ODAD1: variants seen among roughly 807,000 people sequenced by gnomAD.
ODAD1 encodes the protein outer dynein arm docking complex subunit 1.
A neutral mutation model predicts 67.2 loss-of-function variants in ODAD1; 49 were observed. That is an observed-to-expected ratio of 0.73 (90% CI 0.58 to 0.92). ODAD1 has a LOEUF of 0.92. Ranked by LOEUF, ODAD1 falls within the 40% of genes least tolerant of loss-of-function variation. The pLI is 0.00. For missense variants in ODAD1, 897 were observed against 953.7 expected (o/e 0.94, Z 0.78); for synonymous variants, 345 against 393.7 (o/e 0.88, Z 1.46).
chr19:48,305,306 C>T (rs188124545), intron 8 of ODAD1, among the ~76,000 whole-genome samples: 53 of 152,186 alleles, frequency 3.5e-4, no homozygotes, highest in Non-Finnish European at 5.6e-4. Context: ...GAAGGTGGCC[C>T]GAGAGGATCT....
At chr19:48,304,182 TG>T in intron 8 of ODAD1, 42 bp from the exon 9 acceptor site, 1 of 1,524,438 alleles carries the variant, frequency 6.6e-7, no homozygotes. Flanking sequence ...GAGGCTGGAC[TG>T]GGGTCGGCCT....
chr19:48,321,460 A>C (rs2147340057), intron 1 of ODAD1: 2 of 203,308 alleles, frequency 9.8e-6, no homozygotes, highest in Non-Finnish European at 2.0e-5. Context: ...CGGCGAGGGG[A>C]GGGGCACGGA....
intron 1 of ODAD1, among the ~76,000 whole-genome samples, chr19:48,321,154 C>T (rs187588032): frequency 6.6e-6 from 1 of 152,342 alleles, no homozygotes; most frequent in Non-Finnish European, 1.5e-5. Context: ...AGGAGAATCG[C>T]TTGAACCCGG....
rs760712197 is a variant in ODAD1 at position 48,303,058 on chromosome 19, G to A, written c.1026C>T (p.Asn342=). 95 of 1,614,012 alleles carry A rather than the reference G, an allele frequency of 5.9e-5. No individual in the cohort carries two copies. The highest frequency in any genetic ancestry group is 3.0e-4 in the South Asian group (27 of 91,086). ...ERNFAEFNFI[N]EQNLELEHVQ... ...CATGCTCCAGCTCCAAGTTCTGCTC[G>A]TTGATGAAGTTGAACTCAGCAAAGT... is the stretch of plus-strand genomic sequence containing the variant. The change falls in exon 11 of 16, where the codon AAC becomes AAT. Residue 342 remains asparagine (N), a synonymous_variant. Transcript: ENST00000674294.
At chr19:48,302,095 A>AATGGATGG (rs1006920035) in intron 12 of ODAD1, among the ~76,000 whole-genome samples, 1 of 131,568 alleles carries the variant, frequency 7.6e-6, no homozygotes, top group African/African-American at 2.9e-5. Flanking sequence ...TGGGTGGATG[A>AATGGATGG]ATGGATGGAT....
At chr19:48,299,283 G>A (rs1206037816) in intron 12 of ODAD1, among the ~76,000 whole-genome samples, 1 of 152,042 alleles carries the variant, frequency 6.6e-6, no homozygotes, top group African/African-American at 2.4e-5. Flanking sequence ...TGGTAGTGCA[G>A]GCCTGTAATC....
chr19:48,297,874 C>T, intron 14 of ODAD1, 126 bp downstream of exon 14: 2 of 855,512 alleles, frequency 2.3e-6, no homozygotes, highest in Non-Finnish European at 3.5e-6. Flanking sequence ...ACTTCATATT[C>T]TAACCCCCCA....
At chr19:48,314,475 A>G (rs1204700148) in intron 5 of ODAD1, among the ~76,000 whole-genome samples, 1 of 152,226 alleles carries the variant, frequency 6.6e-6, no homozygotes, top group Non-Finnish European at 1.5e-5. Context: ...CTTAAGACTC[A>G]GCATGAGGAT....
intron 1 of ODAD1, 106 bp downstream of exon 1, chr19:48,321,572 T>C (rs1315833357): frequency 2.8e-6 from 1 of 353,008 alleles, no homozygotes; most frequent in Non-Finnish European, 5.1e-6. Context: ...AGGGGCCCGG[T>C]GGAAGGGCGG....
Position 48,320,174 on chromosome 19 carries a change from T to A in ODAD1, c.70+125A>T, listed in dbSNP as rs546295798. 1.3e-5 allele frequency: 11 copies of A among 866,962 alleles called. No homozygotes were observed. In the East Asian group the frequency reaches 8.0e-4, roughly 63 times the overall value. The allele number at this position is 866,962 out of a possible 1,614,324, so 53.7% of individuals were successfully genotyped here. Reference sequence around the variant, plus strand: ...CCCGCCCCGCCTCCCTTAGGGCGCATGTCTGTTCCCACCAGAGGGCGCTCC... The same window carrying A: ...CCCGCCCCGCCTCCCTTAGGGCGCAAGTCTGTTCCCACCAGAGGGCGCTCC... On this transcript the variant is annotated intron_variant, in intron 3 of 15. Coordinates refer to ENST00000674294, the MANE Select transcript of ODAD1 (RefSeq NM_001364171.2).
At chr19:48,303,876 G>A in intron 9 of ODAD1, 77 bp downstream of exon 9, 1 of 1,579,504 alleles carries the variant, frequency 6.3e-7, no homozygotes, top group Non-Finnish European at 8.6e-7. Context: ...GGTCCCACCT[G>A]GGGCACGAAG....
Position 48,318,531 on chromosome 19 carries a change from C to T in ODAD1, c.216G>A (p.Val72=), listed in dbSNP as rs1569012857. 2 of 1,551,496 alleles carry T rather than the reference C, an allele frequency of 1.3e-6. No individual in the cohort carries two copies. Among genetic ancestry groups the T allele is most frequent in the East Asian group, 2.4e-5 (1 of 40,928 alleles). Reference sequence around the variant, plus strand: ...CCTGGTTCTGGGCTGCGCTGATCTGCACCTGGAGATCGCCCCGTACCTCCT... The same window carrying T: ...CCTGGTTCTGGGCTGCGCTGATCTGTACCTGGAGATCGCCCCGTACCTCCT... ...RLEEVRGDLQ[V]QISAAQNQVK... The change falls in exon 5 of 16, where the codon GTG becomes GTA. Residue 72 remains valine, a synonymous_variant. Transcript: ENST00000674294.
At chr19:48,313,252 A>C (rs979673828) in intron 5 of ODAD1, among the ~76,000 whole-genome samples, 2 of 151,824 alleles carry the variant, frequency 1.3e-5, no homozygotes, top group Non-Finnish European at 2.9e-5. Flanking sequence ...AACATGGCGA[A>C]ACCCCACCTC....
intron 7 of ODAD1, 74 bp from the exon 8 acceptor site, chr19:48,306,397 G>A (rs538756035): frequency 1.2e-5 from 15 of 1,294,338 alleles, no homozygotes; most frequent in Admixed American, 4.0e-5. Flanking sequence ...TTTTGGCCCC[G>A]TGCTTCTCCA....
intron 8 of ODAD1, chr19:48,306,044 G>T: frequency 3.8e-6 from 1 of 263,428 alleles, no homozygotes. Context: ...GGGCGACAGA[G>T]CCAGACTCTG....
At chr19:48,298,476 G>T in intron 12 of ODAD1, 136 bp from the exon 13 acceptor site, 1 of 827,180 alleles carries the variant, frequency 1.2e-6, no homozygotes. Context: ...AGTCACCCGA[G>T]CTCAGCCAGC....
intron 5 of ODAD1, among the ~76,000 whole-genome samples, chr19:48,317,681 A>ATT (rs534720024): frequency 6.9e-5 from 10 of 144,274 alleles, no homozygotes; most frequent in African/African-American, 1.0e-4. Flanking sequence ...AATAGCCCCG[A>ATT]TTTTTTTTTT....
Position 48,312,253 on chromosome 19 carries a change from GA to G in ODAD1, c.361-138del, listed in dbSNP as rs1256321541. On this transcript the variant is annotated intron_variant, in intron 5 of 15. Coordinates refer to ENST00000674294, the MANE Select transcript of ODAD1 (RefSeq NM_001364171.2). ...CCAGAATAACATCTACCCTTCTGCT[GA>G]CACTATCCAGCCCTCCATGTGGTTC... 1.1e-5 allele frequency: 7 copies of G among 657,784 alleles called. No individual in the cohort carries two copies. In the Admixed American group the frequency reaches 1.8e-4, roughly 16 times the overall value. 40.7% of individuals were successfully genotyped at this position (657,784 alleles called of 1,614,324 possible). A position where few individuals can be genotyped will look rare whatever the true frequency, so the allele number is the denominator to read the frequency against.
chr19:48,302,747 C>G lies in ODAD1; in HGVS notation c.1187G>C (p.Arg396Pro). 2 of 1,613,428 alleles carry G rather than the reference C, an allele frequency of 1.2e-6. No homozygotes were observed. Among genetic ancestry groups the G allele is most frequent in the South Asian group, 1.1e-5 (1 of 91,088 alleles). ...RMDKVHSEAE[R>P]LEARFQDVRG... ...CACATCCTGGAAGCGGGCCTCAAGG[C>G]GCTCAGCCTCCGAGTGCACCTTGTC... The change falls in exon 12 of 16, where the codon CGC (arginine) becomes CCC (proline). Residue 396 changes from arginine (R) to proline (P), a missense_variant. Arg to Pro is a moderately radical substitution (Grantham distance 103). Transcript: ENST00000674294.
Sources: gnomAD v4.1 joint callset for allele counts (sites outside exome capture counted in the v4.1 genomes callset) on GRCh38, gnomAD v4.1.1 for gene constraint, MANE v1.5 for transcripts, NCBI Gene and HGNC (gene_info 2026-07-23, HGNC 2026-07-21) for gene names.